TFEC: variants seen among roughly 807,000 people sequenced by gnomAD.
The protein encoded by TFEC is class E basic helix-loop-helix protein 34.
A neutral mutation model predicts 41.6 loss-of-function variants in TFEC; 31 were observed. That is an observed-to-expected ratio of 0.74 (90% CI 0.56 to 1.01). The LOEUF (loss-of-function observed/expected upper bound fraction) is 1.01, where lower values mean the gene tolerates loss of function less well. Ranked by LOEUF, TFEC falls within the 50% of genes least tolerant of loss-of-function variation. The probability of loss-of-function intolerance (pLI) is 0.00; values close to 1 mark genes in which losing one functional copy is unlikely to be tolerated. For synonymous variants in TFEC, 143 were observed against 140.6 expected (o/e 1.02, Z -0.12); for missense variants, 402 against 404.1 (o/e 0.99, Z 0.04).
At chr7:116,030,047 CAGGGTG>C (rs1795737694) in intron 1 of TFEC, among the ~76,000 whole-genome samples, 1 of 152,140 alleles carries the variant, frequency 6.6e-6, no homozygotes, top group Non-Finnish European at 1.5e-5. Context: ...GCCTGGGTGA[CAGGGTG>C]AGACTCCATC....
intron 1 of TFEC, among the ~76,000 whole-genome samples, chr7:116,004,013 T>A (rs939455082): frequency 1.3e-5 from 2 of 152,140 alleles, no homozygotes; most frequent in African/African-American, 4.8e-5. Context: ...AATGGCATTT[T>A]ATGTACATGT....
chr7:116,115,245 A>G (rs1284897306), intron 1 of TFEC, among the ~76,000 whole-genome samples: 2 of 152,028 alleles, frequency 1.3e-5, no homozygotes, highest in African/African-American at 4.8e-5. Flanking sequence ...GATACAAACT[A>G]CACTCGTTTC....
At chr7:115,974,947 T>G (rs1793315759) in intron 2 of TFEC, among the ~76,000 whole-genome samples, 1 of 152,066 alleles carries the variant, frequency 6.6e-6, no homozygotes, top group Non-Finnish European at 1.5e-5. Flanking sequence ...CATACATCAT[T>G]CATTTAATAC....
At chr7:116,077,663 A>C (rs568877279) in intron 3 of TFEC, among the ~76,000 whole-genome samples, 2 of 152,268 alleles carry the variant, frequency 1.3e-5, no homozygotes, top group South Asian at 4.1e-4. Flanking sequence ...AAGCAATAGC[A>C]GTTAAAAAAG....
intron 3 of TFEC, among the ~76,000 whole-genome samples, chr7:116,069,538 C>T (rs1796776112): frequency 6.6e-6 from 1 of 151,596 alleles, no homozygotes. Context: ...TATTAATGAA[C>T]AATGTAATAG....
intron 3 of TFEC, among the ~76,000 whole-genome samples, chr7:116,067,657 A>G (rs1341322356): frequency 6.6e-6 from 1 of 151,992 alleles, no homozygotes; most frequent in East Asian, 1.9e-4. Context: ...TTGTTAATTT[A>G]GTAAATATTT....
In TFEC at chr7:115,974,254, C is replaced by A. The variant is rs1793267304; in HGVS notation, c.183G>T (p.Met61Ile). The A allele has an allele frequency of 6.3e-7, 1 of 1,584,808 alleles. No individual in the cohort carries two copies. Among genetic ancestry groups the A allele is most frequent in the Non-Finnish European group, 8.6e-7 (1 of 1,167,620 alleles). ...CGATTATATCCTCAATAACGTCCTC[C>A]ATCTAGCAAAATATAATACATTTAG... is the stretch of plus-strand genomic sequence containing the variant. ...GKEDDNAQWH[M>I]EDVIEDIIGM... The change falls in exon 3 of 8, where the codon ATG (methionine) becomes ATT (isoleucine). Residue 61 changes from methionine (M) to isoleucine (I), a missense_variant and splice_region_variant. Met to Ile is a conservative substitution (Grantham distance 10). Transcript: ENST00000265440.
chr7:116,115,233 T>G (rs1797954063), intron 1 of TFEC, among the ~76,000 whole-genome samples: 1 of 152,042 alleles, frequency 6.6e-6, no homozygotes, highest in Non-Finnish European at 1.5e-5. Flanking sequence ...CAGACAGTTT[T>G]GGATACAAAC....
intron 1 of TFEC, chr7:116,120,086 A>C (rs1004933507): frequency 5.9e-5 from 9 of 151,912 alleles, no homozygotes; most frequent in Non-Finnish European, 1.2e-4. Flanking sequence ...AAACTGATGC[A>C]AAGTTGCACC....
chr7:116,154,596 TAG>T (rs1362126000), intron 1 of TFEC, among the ~76,000 whole-genome samples: 2 of 152,226 alleles, frequency 1.3e-5, no homozygotes, highest in Non-Finnish European at 2.9e-5. Flanking sequence ...ACAGACTGCC[TAG>T]AGAGATTGGC....
chr7:115,993,319 C>T (rs1794210991), intron 1 of TFEC, among the ~76,000 whole-genome samples: 1 of 152,158 alleles, frequency 6.6e-6, no homozygotes, highest in South Asian at 2.1e-4. Context: ...CCCTCTATCA[C>T]CACTCCTATT....
chr7:116,050,504 C>G (rs1049489281), intron 3 of TFEC, among the ~76,000 whole-genome samples: 9 of 152,206 alleles, frequency 5.9e-5, no homozygotes, highest in East Asian at 1.9e-4. Context: ...ACAGACACTT[C>G]TCAAAACAAG....
At chr7:115,990,101 A>G (rs1794039662) in intron 1 of TFEC, among the ~76,000 whole-genome samples, 1 of 152,236 alleles carries the variant, frequency 6.6e-6, no homozygotes, top group Admixed American at 6.5e-5. Context: ...TGCTGGTGAT[A>G]CCAAGGAAAA....
chr7:116,030,999 T>C (rs767593370), upstream of TFEC, among the ~76,000 whole-genome samples: 3 of 152,126 alleles, frequency 2.0e-5, no homozygotes, highest in Admixed American at 2.0e-4. Context: ...GTTGGTCCCA[T>C]TGTGGCTCCA....
intron 3 of TFEC, among the ~76,000 whole-genome samples, chr7:116,070,213 A>T (rs1270790047): frequency 1.3e-5 from 2 of 151,386 alleles, no homozygotes; most frequent in African/African-American, 4.8e-5. Context: ...TTCCGAAGAA[A>T]TTCAACCTTG....
chr7:116,002,141 G>C (rs912655685), intron 1 of TFEC, among the ~76,000 whole-genome samples: 5 of 152,190 alleles, frequency 3.3e-5, no homozygotes, highest in African/African-American at 1.2e-4. Context: ...ACTAAAAATA[G>C]AGTCACCATA....
intron 1 of TFEC, among the ~76,000 whole-genome samples, chr7:116,023,429 T>C (rs1795472628): frequency 6.6e-6 from 1 of 152,192 alleles, no homozygotes; most frequent in Non-Finnish European, 1.5e-5. Flanking sequence ...GAGAAACTAT[T>C]GTGATATCAA....
intron 3 of TFEC, among the ~76,000 whole-genome samples, chr7:116,053,463 T>C (rs1346238466): frequency 2.6e-5 from 4 of 152,242 alleles, no homozygotes; most frequent in Non-Finnish European, 5.9e-5. Context: ...GTAGTGTTGA[T>C]ACGGTTTGAA....
intron 1 of TFEC, among the ~76,000 whole-genome samples, chr7:116,119,951 T>G (rs1280733000): frequency 6.7e-6 from 1 of 150,332 alleles, no homozygotes; most frequent in South Asian, 2.1e-4. Context: ...ATGCTTACAA[T>G]GTTAAGTAAA....
Sources: gnomAD v4.1 joint callset for allele counts (sites outside exome capture counted in the v4.1 genomes callset) on GRCh38, gnomAD v4.1.1 for gene constraint, MANE v1.5 for transcripts, NCBI Gene and HGNC (gene_info 2026-07-23, HGNC 2026-07-21) for gene names.